The following KRTAP24-1 variants were observed in gnomAD, a reference collection of about 807,000 sequenced individuals.
KRTAP24-1 encodes the protein keratin associated protein 24-1.
For synonymous variants in KRTAP24-1, 133 were observed against 116.3 expected, an observed-to-expected ratio of 1.14 and a Z score of -0.92; for missense variants, 344 against 303.2, an observed-to-expected ratio of 1.13 and a Z score of -1.00.
chr21:30,281,836 C>CCT lies in KRTAP24-1; in HGVS notation c.*331_*332insAG, dbSNP rs1980711182. The CCT allele has an allele frequency of 4.4e-6, 1 of 224,812 alleles. No individual in the cohort carries two copies. Among genetic ancestry groups the CCT allele is most frequent in the South Asian group, 1.0e-4 (1 of 9,688 alleles). The allele number at this position is 224,812 out of a possible 1,614,324, so 13.9% of individuals were successfully genotyped here. On this transcript the variant is annotated 3_prime_UTR_variant, in exon 1 of 1. Transcript: ENST00000340345. ...GGTAGGTGATAATCACACTGTCAGA[C>CCT]AAGTGACAGTGACAGCCAAAGTAAG...
At position 30,282,495 on chromosome 21, in the gene KRTAP24-1, G is replaced by A; in HGVS notation, c.438C>T (p.Arg146=). 1 of 1,614,090 alleles carries A rather than the reference G, an allele frequency of 6.2e-7. No individual in the cohort carries two copies. Among genetic ancestry groups the A allele is most frequent in the African/African-American group, 1.3e-5 (1 of 75,040 alleles). ...GTTGTCCAAAGCAGTTGGAACCGTT[G>A]CGGAGGGTTTGGCAGGCTTTGGATG... is the stretch of plus-strand genomic sequence containing the variant. ...RNASKACQTL[R]NGSNCFGQLN... The change falls in exon 1 of 1, where the codon CGC becomes CGT. Residue 146 remains arginine, a synonymous_variant. Coordinates refer to ENST00000340345, the MANE Select transcript of KRTAP24-1 (RefSeq NM_001085455.3).
Position 30,282,160 on chromosome 21 carries a change from G to T in KRTAP24-1, c.*8C>A. 6.3e-7 allele frequency: 1 copy of T among 1,599,414 alleles called. No homozygotes were observed. Among genetic ancestry groups the T allele is most frequent in the Non-Finnish European group, 8.5e-7 (1 of 1,174,718 alleles). ...CAATTTCCAGCTGCTATAAATTCTG[G>T]AAGTTGGTCAATAGCATTTCAGAGG... On this transcript the variant is annotated 3_prime_UTR_variant, in exon 1 of 1. Transcript: ENST00000340345.
Position 30,282,851 on chromosome 21 carries a change from C to T in KRTAP24-1, c.82G>A (p.Val28Met), listed in dbSNP as rs777658575. The T allele has an allele frequency of 8.7e-6, 14 of 1,613,800 alleles. No individual in the cohort carries two copies. The highest frequency in any genetic ancestry group is 1.2e-5 in the Non-Finnish European group (14 of 1,179,762). The part of the protein sequence containing the change: ...TSYRTHCYIP[V>M]TSSVTLSSSD... ...GAGCTAAGAGTAACAGAAGAGGTCA[C>T]TGGGATATAACAGTGAGTTCTGTAT... Residue 28 changes from valine to methionine, a missense_variant, in exon 1 of 1, where the codon GTG becomes ATG. Transcript: ENST00000340345.
At position 30,282,727 on chromosome 21, in the gene KRTAP24-1, G is replaced by C. The variant is rs1980753222; in HGVS notation, c.206C>G (p.Pro69Arg). 1 of 1,613,904 alleles carries C rather than the reference G, an allele frequency of 6.2e-7. No individual in the cohort carries two copies. The highest frequency in any genetic ancestry group is 1.7e-5 in the Admixed American group (1 of 59,994). Reference sequence around the variant, plus strand: ...CTCACAGCTGGGAGATTTGCAGGTTGGTGCTTCACCGTAGGATTCTTGGCA... The same window carrying C: ...CTCACAGCTGGGAGATTTGCAGGTTCGTGCTTCACCGTAGGATTCTTGGCA... ...DYCQESYGEA[P>R]TCKSPSCEPK... Residue 69 changes from proline (P) to arginine (R), a missense_variant, in exon 1 of 1, where the codon CCA becomes CGA. Coordinates refer to ENST00000340345, the MANE Select transcript of KRTAP24-1 (RefSeq NM_001085455.3).
At position 30,281,933 on chromosome 21, in the gene KRTAP24-1, G is replaced by T; in HGVS notation, c.*235C>A. 1 of 480,476 alleles carries T rather than the reference G, an allele frequency of 2.1e-6. No homozygotes were observed. The highest frequency in any genetic ancestry group is 3.3e-5 in the East Asian group (1 of 29,906). The allele number at this position is 480,476 out of a possible 1,614,324, so 29.8% of individuals were successfully genotyped here. A position where few individuals can be genotyped will look rare whatever the true frequency, so the allele number is the denominator to read the frequency against. The stretch of plus-strand genomic sequence containing the variant: ...CATTGTAATAAATCTCAGAAATAAT[G>T]ATGTTACCTTCAGGGTCAGCTTTTA... On this transcript the variant is annotated 3_prime_UTR_variant, in exon 1 of 1. Transcript: ENST00000340345.
rs1980725057 is a variant in KRTAP24-1, at chr21:30,282,246, T to G, written c.687A>C (p.Arg229Ser). 2 of 1,613,878 alleles carry G rather than the reference T, an allele frequency of 1.2e-6. No homozygotes were observed. Among genetic ancestry groups the G allele is most frequent in the Non-Finnish European group, 1.7e-6 (2 of 1,179,920 alleles). Residue 229 changes from arginine (R) to serine (S), a missense_variant, in exon 1 of 1, where the codon AGA becomes AGC. Coordinates refer to ENST00000340345, the MANE Select transcript of KRTAP24-1 (RefSeq NM_001085455.3). ...RPLSYLSRSF[R>S]SLSYIPSTFP... ...AGGTACTGGGTATATAGCTCAGAGA[T>G]CTGAAGCTTCTAGATAAATAGCTCA...
Position 30,282,511 on chromosome 21 carries a change from G to T in KRTAP24-1, c.422C>A (p.Ala141Asp), listed in dbSNP as rs1262681564. The T allele has an allele frequency of 6.2e-7, 1 of 1,613,494 alleles. No homozygotes were observed. The highest frequency in any genetic ancestry group is 8.5e-7 in the Non-Finnish European group (1 of 1,179,716). The change falls in exon 1 of 1, where the codon GCC (alanine) becomes GAC (aspartate). Residue 141 changes from alanine (A) to aspartate (D), a missense_variant. Transcript: ENST00000340345. ...GGAACCGTTGCGGAGGGTTTGGCAG[G>T]CTTTGGATGCATTTCGAGTGGGTAT... ...CHIPTRNASK[A>D]CQTLRNGSNC...
At position 30,282,023 on chromosome 21, in the gene KRTAP24-1, A is replaced by G. The variant is rs975219572; in HGVS notation, c.*145T>C. 11 of 813,770 alleles carry G rather than the reference A, an allele frequency of 1.4e-5. No homozygotes were observed. The African/African-American group carries it at 1.5e-4, about 11-fold the overall frequency. 50.4% of individuals were successfully genotyped at this position (813,770 alleles called of 1,614,324 possible). A position where few individuals can be genotyped will look rare whatever the true frequency, so the allele number is the denominator to read the frequency against. ...CTAGCAGGTGATACTGGCTGTGGTT[A>G]ATAAACCTGGGAGTTGTATTTGAAC... On this transcript the variant is annotated 3_prime_UTR_variant, in exon 1 of 1. Transcript: ENST00000340345.
In KRTAP24-1 at chr21:30,281,875, G is replaced by C. The variant is rs1980712733; in HGVS notation, c.*293C>G. The C allele has an allele frequency of 3.5e-6, 1 of 289,572 alleles. No homozygotes were observed. Among genetic ancestry groups the C allele is most frequent in the Non-Finnish European group, 6.4e-6 (1 of 156,814 alleles). The allele number at this position is 289,572 out of a possible 1,614,324, so 17.9% of individuals were successfully genotyped here. A position where few individuals can be genotyped will look rare whatever the true frequency, so the allele number is the denominator to read the frequency against. On this transcript the variant is annotated 3_prime_UTR_variant, in exon 1 of 1. Transcript: ENST00000340345. ...AGCCAAAGTAAGAAAGCCGGTGATG[G>C]TTGTATTTCAAATGGAGTCTCTTCG...
In KRTAP24-1 at chr21:30,282,524, T is replaced by G; in HGVS notation, c.409A>C (p.Asn137His). The change falls in exon 1 of 1, where the codon AAT (asparagine) becomes CAT (histidine). Residue 137 changes from asparagine (N) to histidine (H), a missense_variant. Physicochemically the swap from Asn to His is moderately conservative, Grantham distance 68. Transcript: ENST00000340345. ...YVCNCHIPTR[N>H]ASKACQTLRN... ...AGGGTTTGGCAGGCTTTGGATGCAT[T>G]TCGAGTGGGTATGTGGCAATTGCAT... is the stretch of plus-strand genomic sequence containing the variant. 6.2e-7 allele frequency: 1 copy of G among 1,612,848 alleles called. No homozygotes were observed. The highest frequency in any genetic ancestry group is 1.1e-5 in the South Asian group (1 of 90,932).
rs754113613 is a variant in KRTAP24-1, at chr21:30,282,225, A to G, written c.708T>C (p.Ser236=). The G allele has an allele frequency of 5.0e-6, 8 of 1,614,044 alleles. No individual in the cohort carries two copies. In the South Asian group the frequency reaches 5.5e-5, roughly 11 times the overall value. The change falls in exon 1 of 1, where the codon AGT becomes AGC. Residue 236 remains serine (S), a synonymous_variant. Transcript: ENST00000340345. ...RSFRSLSYIP[S]TFPPLRYLCS... is the part of the protein sequence containing the mutation. Reference sequence around the variant, plus strand: ...ACAAATACCTCAGAGGTGGAAAGGTACTGGGTATATAGCTCAGAGATCTGA... The same window carrying G: ...ACAAATACCTCAGAGGTGGAAAGGTGCTGGGTATATAGCTCAGAGATCTGA...
Position 30,282,646 on chromosome 21 carries a change from T to C in KRTAP24-1, c.287A>G (p.Asn96Ser), listed in dbSNP as rs747625345. The change falls in exon 1 of 1, where the codon AAC becomes AGC. Residue 96 changes from asparagine to serine, a missense_variant. Transcript: ENST00000340345. ...GAAGACTTGGCCTGCTGATGGGGAG[T>C]TGCAGGGCACAGAGGAGTTTGACGG... ...CDPSNSSVPC[N>S]SPSAGQVFSV... is the part of the protein sequence containing the mutation. The C allele has an allele frequency of 1.3e-6, 2 of 1,593,418 alleles. No homozygotes were observed. The highest frequency in any genetic ancestry group is 4.5e-5 in the East Asian group (2 of 44,718).
Position 30,281,975 on chromosome 21 carries a change from C to T in KRTAP24-1, c.*193G>A, listed in dbSNP as rs1190396553. 1 of 584,182 alleles carries T rather than the reference C, an allele frequency of 1.7e-6. No individual in the cohort carries two copies. Among genetic ancestry groups the T allele is most frequent in the Admixed American group, 3.3e-5 (1 of 30,680 alleles). The allele number at this position is 584,182 out of a possible 1,614,324, so 36.2% of individuals were successfully genotyped here. On this transcript the variant is annotated 3_prime_UTR_variant, in exon 1 of 1. Coordinates refer to ENST00000340345, the MANE Select transcript of KRTAP24-1 (RefSeq NM_001085455.3). The stretch of plus-strand genomic sequence containing the variant: ...CAGCTTTTAGTACAAAGAGCAATAA[C>T]AGAACAACAGAAAAAAGAAAACCTA...
chr21:30,282,311 A>G lies in KRTAP24-1; in HGVS notation c.622T>C (p.Tyr208His), dbSNP rs529683700. ...GTAGGCCTGTAGCTTGAATAGTGAT[A>G]ATTTCTCACTAAATAGCTTTGGGGT... is the stretch of plus-strand genomic sequence containing the variant. ...CQPQSYLVRN[Y>H]HYSSYRPTSC... is the part of the protein sequence containing the mutation. Residue 208 changes from tyrosine to histidine, a missense_variant, in exon 1 of 1, where the codon TAT becomes CAT. Tyr to His is a moderately conservative substitution (Grantham distance 83). Coordinates refer to ENST00000340345, the MANE Select transcript of KRTAP24-1 (RefSeq NM_001085455.3). The G allele has an allele frequency of 4.5e-5, 72 of 1,613,996 alleles. No individual in the cohort carries two copies. The South Asian group carries it at 7.2e-4, about 16-fold the overall frequency.
In KRTAP24-1 at chr21:30,282,802, C is replaced by T. The variant is rs373952794; in HGVS notation, c.131G>A (p.Gly44Glu). The T allele has an allele frequency of 1.9e-6, 3 of 1,613,974 alleles. No homozygotes were observed. Among genetic ancestry groups the T allele is most frequent in the African/African-American group, 2.7e-5 (2 of 75,004 alleles). The change falls in exon 1 of 1, where the codon GGA becomes GAA. Residue 44 changes from glycine (G) to glutamate (E), a missense_variant. Gly to Glu is a moderately conservative substitution (Grantham distance 98). Coordinates refer to ENST00000340345, the MANE Select transcript of KRTAP24-1 (RefSeq NM_001085455.3). ...LSSSDLSPTF[G>E]HCLPSSYQGN... is the part of the protein sequence containing the mutation. ...TTGGTAGCTACTGGGTAAGCAGTGT[C>T]CAAAGGTAGGGCTTAAATCACTGGA...
In KRTAP24-1 at chr21:30,282,233, T is replaced by C; in HGVS notation, c.700A>G (p.Ile234Val). 6.2e-7 allele frequency: 1 copy of C among 1,614,124 alleles called. No homozygotes were observed. The highest frequency in any genetic ancestry group is 8.5e-7 in the Non-Finnish European group (1 of 1,180,008). Residue 234 changes from isoleucine (I) to valine (V), a missense_variant, in exon 1 of 1, where the codon ATA (isoleucine) becomes GTA (valine). Transcript: ENST00000340345. ...LSRSFRSLSY[I>V]PSTFPPLRYL... ...CTCAGAGGTGGAAAGGTACTGGGTA[T>C]ATAGCTCAGAGATCTGAAGCTTCTA... is the stretch of plus-strand genomic sequence containing the variant.
Position 30,282,102 on chromosome 21 carries a change from G to T in KRTAP24-1, c.*66C>A, listed in dbSNP as rs530981089. 4 of 1,441,354 alleles carry T rather than the reference G, an allele frequency of 2.8e-6. No individual in the cohort carries two copies. The Admixed American group carries it at 6.3e-5, about 23-fold the overall frequency. 89.3% of individuals were successfully genotyped at this position (1,441,354 alleles called of 1,614,324 possible). A position where few individuals can be genotyped will look rare whatever the true frequency, so the allele number is the denominator to read the frequency against. On this transcript the variant is annotated 3_prime_UTR_variant, in exon 1 of 1. Coordinates refer to ENST00000340345, the MANE Select transcript of KRTAP24-1 (RefSeq NM_001085455.3). ...AAAGAGATTCAGCAGAAAATTAGAC[G>T]TTCTAGTACTTAGTAGAATCTTCCC...
Position 30,282,893 on chromosome 21 carries a change from C to T in KRTAP24-1, c.40G>A (p.Val14Ile), listed in dbSNP as rs760460829. 4.3e-6 allele frequency: 7 copies of T among 1,613,102 alleles called. No homozygotes were observed. The African/African-American group carries it at 9.4e-5, about 22-fold the overall frequency. ...GTTCTGTATGATGTGGTACTGCAGA[C>T]CCCAGGATAGCCTGTAGTAGACATG... ...GSMSTTGYPG[V>I]CSTTSYRTHC... Residue 14 changes from valine (V) to isoleucine (I), a missense_variant, in exon 1 of 1, where the codon GTC (valine) becomes ATC (isoleucine). By Grantham distance (29) the Val-to-Ile change is conservative. Coordinates refer to ENST00000340345, the MANE Select transcript of KRTAP24-1 (RefSeq NM_001085455.3).
In KRTAP24-1 at chr21:30,281,629, A is replaced by G. The variant is rs1237906848; in HGVS notation, c.*539T>C. On this transcript the variant is annotated 3_prime_UTR_variant, in exon 1 of 1. Transcript: ENST00000340345. ...TGCTATTTGCCTGTTCTTACAATCA[A>G]TCAGTAAGAAAAGGATGAAATAGTT... 6.6e-6 allele frequency: 1 copy of G among 152,556 alleles called. No homozygotes were observed. The highest frequency in any genetic ancestry group is 1.5e-5 in the Non-Finnish European group (1 of 68,354). The allele number at this position is 152,556 out of a possible 1,614,324, so 9.5% of individuals were successfully genotyped here.
Sources: allele counts gnomAD v4.1 joint callset, GRCh38; gene constraint gnomAD v4.1.1; transcripts MANE v1.5; gene names NCBI Gene and HGNC (gene_info 2026-07-23, HGNC 2026-07-21).